RDX: variants seen among roughly 807,000 people sequenced by gnomAD.
RDX encodes deafness, autosomal recessive 24.
In RDX, 32 loss-of-function variants were observed where a neutral mutation model predicts 83.7. The ratio of observed to expected loss-of-function variants is 0.38; its 90% CI spans 0.29 to 0.51. The LOEUF is 0.51. Ranked by LOEUF, RDX falls within the 20% of genes least tolerant of loss-of-function variation. The pLI is 0.87. For missense variants in RDX, 600 were observed against 689.9 expected, an observed-to-expected ratio of 0.87 and a Z score of 1.46; for synonymous variants, 229 against 222.7, an observed-to-expected ratio of 1.03 and a Z score of -0.25.
intron 14 of RDX, among the ~76,000 whole-genome samples, chr11:110,206,256 CAAAAAA>C (rs3040335): frequency 9.1e-6 from 1 of 110,196 alleles, no homozygotes; most frequent in African/African-American, 3.6e-5. Flanking sequence ...GAGTCCATCT[CAAAAAA>C]AAAAAAAAAA....
intron 15 of RDX, among the ~76,000 whole-genome samples, chr11:110,187,832 G>GA (rs1437412398): frequency 1.3e-5 from 2 of 152,132 alleles, no homozygotes; most frequent in African/African-American, 2.4e-5. Context: ...ATTGCCTGAG[G>GA]AAAAAAGAGA....
chr11:110,230,739 G>C lies in RDX; in HGVS notation c.*1130C>G, dbSNP rs566717477. ...CACAGTTTGACTCGACAAAAAGGCA[G>C]TTAAAAATTTAGCACTCTTAAGATA... On this transcript the variant is annotated 3_prime_UTR_variant, in exon 14 of 14. Coordinates refer to ENST00000645495, the MANE Select transcript of RDX (RefSeq NM_002906.4). 2.0e-5 allele frequency: 3 copies of C among 152,654 alleles called. No homozygotes were observed. Among genetic ancestry groups the C allele is most frequent in the Admixed American group, 2.0e-4 (3 of 15,284 alleles). The allele number at this position is 152,654 out of a possible 1,614,324, so 9.5% of individuals were successfully genotyped here. A position where few individuals can be genotyped will look rare whatever the true frequency, so the allele number is the denominator to read the frequency against.
chr11:110,258,077 G>C (rs1474305955), intron 6 of RDX, 29 bp downstream of exon 6: 1 of 1,539,640 alleles, frequency 6.5e-7, no homozygotes, highest in Non-Finnish European at 9.0e-7. Flanking sequence ...AAGGAAAAAA[G>C]AAAACATAGA....
chr11:110,254,705 ATC>A (rs1859475231), intron 8 of RDX, among the ~76,000 whole-genome samples: 1 of 152,024 alleles, frequency 6.6e-6, no homozygotes, highest in Non-Finnish European at 1.5e-5. Context: ...TGAACTCCTC[ATC>A]TCAGGTGATC....
intron 14 of RDX, chr11:110,200,473 G>T (rs921491407): frequency 1.3e-5 from 2 of 152,200 alleles, no homozygotes; most frequent in Admixed American, 6.5e-5. Context: ...CCCTGACTGG[G>T]GAGAATACTG....
intron 14 of RDX, among the ~76,000 whole-genome samples, chr11:110,207,264 G>GGGATTA (rs1863640593): frequency 6.6e-6 from 1 of 152,070 alleles, no homozygotes. Flanking sequence ...CTGAGCCACC[G>GGGATTA]CACCTGGCCA....
chr11:110,286,696 C>A (rs1464934990), intron 1 of RDX, among the ~76,000 whole-genome samples: 1 of 152,152 alleles, frequency 6.6e-6, no homozygotes, highest in Non-Finnish European at 1.5e-5. Context: ...TAATTGTGGT[C>A]TCTCCAGAAA....
At chr11:110,192,567 A>G (rs1488661981) in intron 15 of RDX, among the ~76,000 whole-genome samples, 1 of 152,256 alleles carries the variant, frequency 6.6e-6, no homozygotes, top group African/African-American at 2.4e-5. Context: ...CTATCAATAG[A>G]GTAAGCAGAC....
chr11:110,179,097 G>A (rs1229040384), intron 15 of RDX, among the ~76,000 whole-genome samples: 1 of 152,210 alleles, frequency 6.6e-6, no homozygotes, highest in Non-Finnish European at 1.5e-5. Flanking sequence ...GAGGGGTTCA[G>A]CCAGGGGGAA....
chr11:110,216,968 G>A (rs1349773577), intron 14 of RDX, among the ~76,000 whole-genome samples: 30 of 152,206 alleles, frequency 2.0e-4, no homozygotes, highest in Non-Finnish European at 1.5e-5. Context: ...TACCCCATAT[G>A]TAAAGGGCTG....
At chr11:110,224,420 T>C (rs1429140841) in intron 14 of RDX, among the ~76,000 whole-genome samples, 1 of 152,186 alleles carries the variant, frequency 6.6e-6, no homozygotes, top group Non-Finnish European at 1.5e-5. Context: ...CATACATTTT[T>C]GTGAAGATAA....
intron 14 of RDX, among the ~76,000 whole-genome samples, chr11:110,216,905 C>A (rs192602776): frequency 2.4e-4 from 36 of 152,280 alleles, no homozygotes; most frequent in Admixed American, 8.5e-4. Flanking sequence ...CTCTAAAAGC[C>A]ATTTTCTAGC....
rs940919907 is a variant in RDX at position 110,272,617 on chromosome 11, G to A, written c.15C>T (p.Ile5=). 1.9e-6 allele frequency: 3 copies of A among 1,603,360 alleles called. No individual in the cohort carries two copies. Among genetic ancestry groups the A allele is most frequent in the Non-Finnish European group, 2.6e-6 (3 of 1,172,174 alleles). The stretch of plus-strand genomic sequence containing the variant: ...CATCCATTGTAGTTACTCTTACGTT[G>A]ATCTGTAATAAAAATAAAAGGAATA... The part of the protein sequence containing the change: MPKP[I]NVRVTTMDAE... The change falls in exon 3 of 14, where the codon ATC becomes ATT. Residue 5 remains isoleucine, a splice_region_variant and synonymous_variant. Transcript: ENST00000645495.
At chr11:110,289,894 G>C (rs139814283) in intron 1 of RDX, among the ~76,000 whole-genome samples, 1 of 139,306 alleles carries the variant, frequency 7.2e-6, no homozygotes, top group Admixed American at 7.6e-5. Context: ...AGGAGGCAGA[G>C]GCTGCAATGA....
At chr11:110,188,269 G>C (rs540934817) in intron 15 of RDX, among the ~76,000 whole-genome samples, 16 of 150,744 alleles carry the variant, frequency 1.1e-4, no homozygotes, top group Non-Finnish European at 2.1e-4. Flanking sequence ...ACTCCAGCCT[G>C]GGCAACAAGA....
intron 5 of RDX, among the ~76,000 whole-genome samples, chr11:110,261,071 T>C (rs1258315157): frequency 1.3e-5 from 2 of 152,190 alleles, no homozygotes; most frequent in Admixed American, 1.3e-4. Flanking sequence ...ATTCTCATGG[T>C]TTAATTACCA....
At chr11:110,211,577 C>A (rs1472925483) in intron 14 of RDX, among the ~76,000 whole-genome samples, 2 of 151,308 alleles carry the variant, frequency 1.3e-5, no homozygotes, top group Admixed American at 1.3e-4. Flanking sequence ...TGACCACATA[C>A]TGGGAAGTAA....
intron 7 of RDX, among the ~76,000 whole-genome samples, chr11:110,255,780 C>T (rs1859519505): frequency 6.6e-6 from 1 of 152,048 alleles, no homozygotes; most frequent in Non-Finnish European, 1.5e-5. Context: ...GCCTTTATAA[C>T]TTCTCATGTG....
intron 10 of RDX, among the ~76,000 whole-genome samples, chr11:110,241,423 AG>A (rs547455447): frequency 7.6e-4 from 116 of 152,136 alleles, no homozygotes; most frequent in African/African-American, 2.6e-3. Context: ...CAGCCTCCGG[AG>A]TAGCTGGGAT....
Sources: allele counts gnomAD v4.1 joint callset (sites outside exome capture counted in the v4.1 genomes callset), GRCh38; gene constraint gnomAD v4.1.1; transcripts MANE v1.5; gene names NCBI Gene and HGNC (gene_info 2026-07-23, HGNC 2026-07-21).